The following MICU3 variants were observed in gnomAD, a reference collection of about 807,000 sequenced individuals.
MICU3 encodes the protein calcium uptake protein 3, mitochondrial.
In MICU3, 62 loss-of-function variants were observed where a neutral mutation model predicts 66.5. The ratio of observed to expected loss-of-function variants is 0.93; its 90% confidence interval spans 0.76 to 1.15. MICU3 has a LOEUF of 1.15. Among genes scored for constraint, MICU3 ranks in the 50% most tolerant of loss-of-function variants. The pLI is 0.00. For synonymous variants in MICU3, 308 were observed against 240.7 expected, an observed-to-expected ratio of 1.28 and a Z score of -2.59; for missense variants, 779 against 664.4, an observed-to-expected ratio of 1.17 and a Z score of -1.90.
Position 17,085,331 on chromosome 8 carries a change from G to C in MICU3, c.777+13G>C. The C allele has an allele frequency of 6.8e-7, 1 of 1,478,730 alleles. No individual in the cohort carries two copies. Among genetic ancestry groups the C allele is most frequent in the Non-Finnish European group, 9.4e-7 (1 of 1,064,340 alleles). The allele number at this position is 1,478,730 out of a possible 1,614,324, so 91.6% of individuals were successfully genotyped here. ...AGAGTTTTTGGTGGTATGTATACTA[G>C]ATGCTGCACTTTATCAATAATTAAA... On this transcript the variant is annotated intron_variant, in intron 6 of 14. Coordinates refer to ENST00000318063, the MANE Select transcript of MICU3 (RefSeq NM_181723.3).
chr8:17,136,681 C>T, the MICU3 span, among the ~76,000 whole-genome samples: 6 of 152,086 alleles, frequency 3.9e-5, no homozygotes, highest in African/African-American at 1.4e-4. Context: ...CCCCCAACAG[C>T]GGCCTGGGTG....
chr8:17,114,848 G>T (rs1002272480), intron 12 of MICU3, among the ~76,000 whole-genome samples: 1 of 151,832 alleles, frequency 6.6e-6, no homozygotes, highest in East Asian at 1.9e-4. Context: ...GGCCGGGCGC[G>T]GTGGCTCACG....
intron 1 of MICU3, among the ~76,000 whole-genome samples, chr8:17,062,534 A>G (rs1294638880): frequency 6.6e-6 from 1 of 152,192 alleles, no homozygotes. Context: ...TTCGTTTAAT[A>G]AGATGTAACT....
chr8:17,053,500 A>G (rs1245354346), intron 1 of MICU3, among the ~76,000 whole-genome samples: 4 of 152,204 alleles, frequency 2.6e-5, no homozygotes, highest in Non-Finnish European at 4.4e-5. Context: ...AACAAGTAAC[A>G]TCTAAGTAAG....
intron 1 of MICU3, among the ~76,000 whole-genome samples, chr8:17,044,496 CAAAG>C (rs1814730374): frequency 6.6e-6 from 1 of 151,934 alleles, no homozygotes; most frequent in Non-Finnish European, 1.5e-5. Flanking sequence ...TTTGGAAAAA[CAAAG>C]CACTGAAGAC....
Position 17,122,393 on chromosome 8 carries a change from C to G in MICU3, c.*2106C>G, listed in dbSNP as rs567309606. On this transcript the variant is annotated 3_prime_UTR_variant, in exon 15 of 15. Coordinates refer to ENST00000318063, the MANE Select transcript of MICU3 (RefSeq NM_181723.3). ...TAATAATGTACTGACTACATGTATG[C>G]TGTTATTGTCAGTGTTTCCTTCTAT... 1.3e-5 allele frequency: 2 copies of G among 151,778 alleles called. No homozygotes were observed. Among genetic ancestry groups the G allele is most frequent in the Non-Finnish European group, 1.5e-5 (1 of 67,732 alleles). The allele number at this position is 151,778 out of a possible 1,614,324, so 9.4% of individuals were successfully genotyped here.
intron 1 of MICU3, chr8:17,049,470 G>T: frequency 2.1e-6 from 1 of 466,574 alleles, no homozygotes; most frequent in Non-Finnish European, 4.2e-6. Context: ...GGCAGTATTT[G>T]CATGTAGTTT....
intron 11 of MICU3, among the ~76,000 whole-genome samples, chr8:17,113,649 C>T (rs1001270284): frequency 1.3e-5 from 2 of 152,186 alleles, no homozygotes; most frequent in Non-Finnish European, 2.9e-5. Context: ...TAAAGACATT[C>T]ATGATCTAAT....
At chr8:17,086,655 G>T (rs73666270) in intron 6 of MICU3, among the ~76,000 whole-genome samples, 4 of 151,980 alleles carry the variant, frequency 2.6e-5, no homozygotes, top group Non-Finnish European at 5.9e-5. Flanking sequence ...CCATCCCCCT[G>T]ACTTAAAGTA....
chr8:17,084,980 A>C (rs1265413543), intron 5 of MICU3, among the ~76,000 whole-genome samples: 2 of 152,136 alleles, frequency 1.3e-5, no homozygotes, highest in African/African-American at 4.8e-5. Context: ...TTTGGATTAA[A>C]AAAGAGAAGT....
At chr8:17,098,663 A>C in intron 9 of MICU3, 110 bp downstream of exon 9, 2 of 746,872 alleles carry the variant, frequency 2.7e-6, no homozygotes, top group South Asian at 3.2e-5. Flanking sequence ...TACATTTTCC[A>C]TTGTTTTAGT....
intron 5 of MICU3, among the ~76,000 whole-genome samples, chr8:17,084,571 A>G (rs963175185): frequency 6.6e-6 from 1 of 152,088 alleles, no homozygotes; most frequent in African/African-American, 2.4e-5. Context: ...GACACTTTCA[A>G]GTTTTCTTCT....
At chr8:17,076,817 G>C (rs1820451982) in intron 3 of MICU3, among the ~76,000 whole-genome samples, 1 of 152,320 alleles carries the variant, frequency 6.6e-6, no homozygotes, top group East Asian at 1.9e-4. Flanking sequence ...TTTCGCACAA[G>C]CTCTCAGGTG....
At chr8:17,062,382 A>G (rs528240607) in intron 1 of MICU3, among the ~76,000 whole-genome samples, 159 of 152,282 alleles carry the variant, frequency 1.0e-3, no homozygotes, top group African/African-American at 3.7e-3. Context: ...TTCCTTAAAG[A>G]CAGACACCAC....
At chr8:17,076,028 T>A (rs1344270106) in intron 3 of MICU3, among the ~76,000 whole-genome samples, 1 of 152,124 alleles carries the variant, frequency 6.6e-6, no homozygotes, top group African/African-American at 2.4e-5. Context: ...GTTTTTTAAG[T>A]TTTTTTATAT....
intron 1 of MICU3, among the ~76,000 whole-genome samples, chr8:17,034,323 C>G (rs1256434137): frequency 6.6e-6 from 1 of 152,148 alleles, no homozygotes; most frequent in African/African-American, 2.4e-5. Flanking sequence ...TACGTAGTCA[C>G]CCAAGAGGTC....
chr8:17,127,873 C>CA, the MICU3 span, among the ~76,000 whole-genome samples: 1 of 151,492 alleles, frequency 6.6e-6, no homozygotes, highest in Admixed American at 6.6e-5. Context: ...AAACAAAAAA[C>CA]AAAAAAGGGG....
intron 1 of MICU3, among the ~76,000 whole-genome samples, chr8:17,053,755 C>T (rs1816473188): frequency 1.3e-5 from 2 of 152,078 alleles, no homozygotes; most frequent in Admixed American, 6.6e-5. Context: ...ATAAATAGCT[C>T]ACAATTTCTC....
At chr8:17,045,018 A>G (rs539825436) in intron 1 of MICU3, among the ~76,000 whole-genome samples, 2 of 152,130 alleles carry the variant, frequency 1.3e-5, no homozygotes, top group African/African-American at 4.8e-5. Flanking sequence ...CCTTTATTTC[A>G]TATGTCTGGC....
Sources: allele counts gnomAD v4.1 joint callset (sites outside exome capture counted in the v4.1 genomes callset), GRCh38; gene constraint gnomAD v4.1.1; transcripts MANE v1.5; gene names NCBI Gene and HGNC (gene_info 2026-07-23, HGNC 2026-07-21).